The following GOLGA6L2 variants were observed in gnomAD, a reference collection of about 807,000 sequenced individuals.
The protein encoded by GOLGA6L2 is golgin A6 family like 2, also known as golgin subfamily A member 6-like protein 2.
GOLGA6L2 carries 30 observed loss-of-function variants against 35.9 expected under a neutral mutation model. The ratio of observed to expected loss-of-function variants is 0.83; its 90% CI spans 0.62 to 1.13. GOLGA6L2 has a LOEUF of 1.13. Ranked by LOEUF, GOLGA6L2 falls within the 50% of genes most tolerant of loss-of-function variation. The probability of loss-of-function intolerance (pLI) is 0.00; values close to 1 mark genes in which losing one functional copy is unlikely to be tolerated. For synonymous variants in GOLGA6L2, 297 were observed against 344.0 expected (o/e 0.86, Z 1.51); for missense variants, 821 against 973.4 (o/e 0.84, Z 2.08).
chr15:23,441,661 C>T lies in GOLGA6L2; in HGVS notation c.814G>A (p.Glu272Lys), dbSNP rs780084107. 35 of 1,528,968 alleles carry T rather than the reference C, an allele frequency of 2.3e-5. No individual in the cohort carries two copies. The Admixed American group carries it at 6.9e-4, about 30-fold the overall frequency. 94.7% of individuals were successfully genotyped at this position (1,528,968 alleles called of 1,614,324 possible). ...LPQVQTNTLQ[E>K]EMWRQEEELR... Reference sequence around the variant, plus strand: ...TCCTCCTCCTGCCTCCACATCTCCTCCTGCAAAGTGTTGGTTTGAACCTCA... The same window carrying T: ...TCCTCCTCCTGCCTCCACATCTCCTTCTGCAAAGTGTTGGTTTGAACCTCA... Residue 272 changes from glutamate (E) to lysine (K), a missense_variant, in exon 8 of 8, where the codon GAG (glutamate) becomes AAG (lysine). Physicochemically the swap from Glu to Lys is moderately conservative, Grantham distance 56. Transcript: ENST00000567107.
chr15:23,439,244 C>T lies in GOLGA6L2; in HGVS notation c.*501G>A, dbSNP rs1297146127. ...TGGCTCACTGCAGCCTCCTGAGTAGCTGTGATTACAGGCGTGCACAACCAC... is the reference window on the plus strand; with the variant it reads ...TGGCTCACTGCAGCCTCCTGAGTAGTTGTGATTACAGGCGTGCACAACCAC... On this transcript the variant is annotated 3_prime_UTR_variant, in exon 8 of 8. Coordinates refer to ENST00000567107, the MANE Select transcript of GOLGA6L2 (RefSeq NM_001304388.2). Among the ~76,000 whole-genome samples, 1 of 145,774 alleles carries T rather than the reference C, an allele frequency of 6.9e-6. No individual in the cohort carries two copies. Among genetic ancestry groups the T allele is most frequent in the African/African-American group, 2.5e-5 (1 of 39,610 alleles).
intron 5 of GOLGA6L2, among the ~76,000 whole-genome samples, chr15:23,443,188 G>A (rs1268124044): frequency 1.3e-5 from 2 of 152,128 alleles, no homozygotes; most frequent in Non-Finnish European, 2.9e-5. Context: ...TTCTTTCCCT[G>A]GGGGTAGGGG....
intron 1 of GOLGA6L2, among the ~76,000 whole-genome samples, chr15:23,446,195 T>G (rs1452032684): frequency 1.4e-5 from 1 of 72,216 alleles, no homozygotes; most frequent in Non-Finnish European, 3.3e-5. Flanking sequence ...GTGGAGAACT[T>G]AGAGAAAACT....
intron 5 of GOLGA6L2, among the ~76,000 whole-genome samples, 186 bp downstream of exon 5, chr15:23,443,591 C>T (rs1202568599): frequency 6.6e-6 from 1 of 152,156 alleles, no homozygotes; most frequent in Non-Finnish European, 1.5e-5. Context: ...CCACAGTGCC[C>T]CCCAACTCAC....
In GOLGA6L2 at chr15:23,441,528, ATCT is replaced by A. The variant is rs1350000846; in HGVS notation, c.944_946del (p.Lys315del). 3.7e-5 allele frequency: 52 copies of A among 1,396,574 alleles called. No homozygotes were observed. The highest frequency in any genetic ancestry group is 4.8e-5 in the Non-Finnish European group (51 of 1,056,368). The allele number at this position is 1,396,574 out of a possible 1,614,324, so 86.5% of individuals were successfully genotyped here. A position where few individuals can be genotyped will look rare whatever the true frequency, so the allele number is the denominator to read the frequency against. Reference sequence around the variant, plus strand: ...TCGCAGCCTCTTCTCCTGTCTCCGCATCTTCTCCTCCTGCTCCCGCATCTTCCC... The same window carrying A: ...TCGCAGCCTCTTCTCCTGTCTCCGCATCTCCTCCTGCTCCCGCATCTTCCC... On this transcript the variant is annotated inframe_deletion, in exon 8 of 8. Transcript: ENST00000567107.
chr15:23,444,606 G>A (rs1430826508), intron 2 of GOLGA6L2, 106 bp from the exon 3 acceptor site: 50 of 929,416 alleles, frequency 5.4e-5, no homozygotes, highest in African/African-American at 1.3e-4. Context: ...AAAGGGCAAC[G>A]TTCTCAGACC....
chr15:23,443,431 C>G (rs1304274171), intron 5 of GOLGA6L2, among the ~76,000 whole-genome samples: 2 of 152,054 alleles, frequency 1.3e-5, no homozygotes, highest in East Asian at 3.9e-4. Context: ...TGTTCCCTCT[C>G]TCTACACAAA....
Position 23,442,081 on chromosome 15 carries a change from T to C in GOLGA6L2, c.690A>G (p.Leu230=). ...NEELKKKNAE[L]QEKLRLAESE... ...ATTCTGCAAGTCGAAGTTTTTCTTG[T>C]AGTTCGGCATTTTTCTTCTTCAGCT... is the stretch of plus-strand genomic sequence containing the variant. The change falls in exon 7 of 8, where the codon CTA becomes CTG. Residue 230 remains leucine, a synonymous_variant. Coordinates refer to ENST00000567107, the MANE Select transcript of GOLGA6L2 (RefSeq NM_001304388.2). 1.3e-6 allele frequency: 2 copies of C among 1,547,698 alleles called. No individual in the cohort carries two copies. The highest frequency in any genetic ancestry group is 1.7e-6 in the Non-Finnish European group (2 of 1,153,020).
In GOLGA6L2 at chr15:23,443,795, C is replaced by T. The variant is rs779488439; in HGVS notation, c.573G>A (p.Trp191Ter). The change falls in exon 5 of 8, where the codon TGG (tryptophan) becomes TGA (stop). Residue 191 changes from tryptophan (W) to a stop codon, truncating the protein, a stop_gained. Transcript: ENST00000567107. LOFTEE classifies it high-confidence loss of function. Reference protein sequence around the residue: ...LQRALSAVSTWHKKADRYIEE... With the variant: ...LQRALSAVST Reference sequence around the variant, plus strand: ...GACTTACCCTGTCTGCCTTCTTGTGCCATGTGGACACAGCAGAGAGAGCCC... The same window carrying T: ...GACTTACCCTGTCTGCCTTCTTGTGTCATGTGGACACAGCAGAGAGAGCCC... 6.5e-7 allele frequency: 1 copy of T among 1,538,424 alleles called. No individual in the cohort carries two copies.
In GOLGA6L2 at chr15:23,439,716, C is replaced by A; in HGVS notation, c.*29G>T. The A allele has an allele frequency of 6.5e-7, 1 of 1,537,092 alleles. No homozygotes were observed. Among genetic ancestry groups the A allele is most frequent in the South Asian group, 1.2e-5 (1 of 84,034 alleles). ...GAACCCTCCCCAGCCTCTCCTCCTGCAGGCTCCACACTGCCAGTGTGGCTC... is the reference window on the plus strand; with the variant it reads ...GAACCCTCCCCAGCCTCTCCTCCTGAAGGCTCCACACTGCCAGTGTGGCTC... On this transcript the variant is annotated 3_prime_UTR_variant, in exon 8 of 8. Coordinates refer to ENST00000567107, the MANE Select transcript of GOLGA6L2 (RefSeq NM_001304388.2).
At chr15:23,443,589 C>T (rs2070722935) in intron 5 of GOLGA6L2, among the ~76,000 whole-genome samples, 188 bp downstream of exon 5, 2 of 152,278 alleles carry the variant, frequency 1.3e-5, no homozygotes, top group Non-Finnish European at 2.9e-5. Context: ...CCCCACAGTG[C>T]CCCCCAACTC....
rs758566752 is a variant in GOLGA6L2, at chr15:23,444,432, A to G, written c.243+39T>C. On this transcript the variant is annotated intron_variant, in intron 3 of 7. Transcript: ENST00000567107. Reference sequence around the variant, plus strand: ...GGCCTCTACATCTGAGTGCCCTCCAAACCCAGCAGTCATGTCGTGAGCAAA... The same window carrying G: ...GGCCTCTACATCTGAGTGCCCTCCAGACCCAGCAGTCATGTCGTGAGCAAA... 13 of 1,599,258 alleles carry G rather than the reference A, an allele frequency of 8.1e-6. No individual in the cohort carries two copies. The Admixed American group carries it at 2.2e-4, about 27-fold the overall frequency.
chr15:23,441,652 A>G lies in GOLGA6L2; in HGVS notation c.823T>C (p.Trp275Arg), dbSNP rs751574177. 2.9e-5 allele frequency: 44 copies of G among 1,535,010 alleles called. No homozygotes were observed. Among genetic ancestry groups the G allele is most frequent in the Non-Finnish European group, 3.7e-5 (42 of 1,141,064 alleles). The change falls in exon 8 of 8, where the codon TGG becomes CGG. Residue 275 changes from tryptophan to arginine, a missense_variant. Around this residue, in one of 7 missense-constraint regions of GOLGA6L2, gnomAD observed 614 missense variants for 632.3 expected, o/e 0.97. Coordinates refer to ENST00000567107, the MANE Select transcript of GOLGA6L2 (RefSeq NM_001304388.2). Reference protein sequence around the residue: ...VQTNTLQEEMWRQEEELREQE... With the variant: ...VQTNTLQEEMRRQEEELREQE... Reference sequence around the variant, plus strand: ...TCCCGTAGCTCCTCCTCCTGCCTCCACATCTCCTCCTGCAAAGTGTTGGTT... The same window carrying G: ...TCCCGTAGCTCCTCCTCCTGCCTCCGCATCTCCTCCTGCAAAGTGTTGGTT...
chr15:23,446,520 T>A (rs1886787438), intron 1 of GOLGA6L2, among the ~76,000 whole-genome samples: 1 of 152,192 alleles, frequency 6.6e-6, no homozygotes, highest in South Asian at 2.1e-4. Context: ...CTAGAGGGAC[T>A]GTGACACCAC....
chr15:23,445,570 C>T (rs1266442217), intron 1 of GOLGA6L2, 132 bp from the exon 2 acceptor site: 2 of 239,730 alleles, frequency 8.3e-6, no homozygotes, highest in Non-Finnish European at 1.7e-5. Flanking sequence ...TTGTCGCAAT[C>T]ACTTAGTGAC....
Position 23,440,607 on chromosome 15 carries a change from CCTG to C in GOLGA6L2, c.1865_1867del (p.Pro622_Gly623delinsArg), listed in dbSNP as rs2070657649. 1.4e-6 allele frequency: 2 copies of C among 1,380,826 alleles called. No individual in the cohort carries two copies. Among genetic ancestry groups the C allele is most frequent in the Admixed American group, 4.1e-5 (2 of 48,314 alleles). 85.5% of individuals were successfully genotyped at this position (1,380,826 alleles called of 1,614,324 possible). On this transcript the variant is annotated inframe_deletion, in exon 8 of 8. Coordinates refer to ENST00000567107, the MANE Select transcript of GOLGA6L2 (RefSeq NM_001304388.2). ...CTCTCCTCCTCTCGCATCTTCTCCT[CCTG>C]GTCCCATGTCTTCTTCTCCTGCTCC...
rs1275566970 is a variant in GOLGA6L2, at chr15:23,440,854, C to G, written c.1621G>C (p.Glu541Gln). The change falls in exon 8 of 8, where the codon GAG (glutamate) becomes CAG (glutamine). Residue 541 changes from glutamate to glutamine, a missense_variant. Around this residue, in one of 7 missense-constraint regions of GOLGA6L2, gnomAD observed 614 missense variants for 632.3 expected, o/e 0.97. Coordinates refer to ENST00000567107, the MANE Select transcript of GOLGA6L2 (RefSeq NM_001304388.2). The part of the protein sequence containing the change: ...KKMWRQEKMR[E>Q]QEDVETGGEA... ...CCTCCTGTCTCCACATCTTCCTGCT[C>G]CCGCATCTTCTCCTGCCGCCACATC... 2 of 1,505,320 alleles carry G rather than the reference C, an allele frequency of 1.3e-6. No homozygotes were observed. The highest frequency in any genetic ancestry group is 1.8e-6 in the Non-Finnish European group (2 of 1,121,828). The allele number at this position is 1,505,320 out of a possible 1,614,324, so 93.2% of individuals were successfully genotyped here.
intron 1 of GOLGA6L2, among the ~76,000 whole-genome samples, chr15:23,446,865 G>C (rs1400882597): frequency 6.6e-6 from 1 of 152,070 alleles, no homozygotes; most frequent in Admixed American, 6.5e-5. Context: ...ACGGAGTGGA[G>C]AGCCCCAGGG....
In GOLGA6L2 at chr15:23,443,806, C is replaced by CA; in HGVS notation, c.561dup (p.Val188CysfsTer34). On this transcript the variant is annotated frameshift_variant, in exon 5 of 8. Transcript: ENST00000567107. LOFTEE classifies it high-confidence loss of function. ...TCTGCCTTCTTGTGCCATGTGGACA[C>CA]AGCAGAGAGAGCCCGCTGTAACTCT... 6.5e-7 allele frequency: 1 copy of CA among 1,539,176 alleles called. No homozygotes were observed. Among genetic ancestry groups the CA allele is most frequent in the Non-Finnish European group, 8.7e-7 (1 of 1,148,618 alleles).
Sources: allele counts gnomAD v4.1 joint callset (sites outside exome capture counted in the v4.1 genomes callset), GRCh38; gene constraint gnomAD v4.1.1; regional missense constraint gnomAD v4.1.1; transcripts MANE v1.5; gene names NCBI Gene and HGNC (gene_info 2026-07-23, HGNC 2026-07-21).